KAT6A: variants seen among roughly 807,000 people sequenced by gnomAD.
The protein encoded by KAT6A is histone acetyltransferase KAT6A.
KAT6A carries 9 observed loss-of-function variants against 198.4 expected under a neutral mutation model. The ratio of observed to expected loss-of-function variants is 0.05; its 90% CI spans 0.03 to 0.08. KAT6A has a LOEUF of 0.08. KAT6A is among the 10% of genes least tolerant of loss of function. The pLI is 1.00. For missense variants in KAT6A, 2,077 were observed against 2,509.9 expected, an observed-to-expected ratio of 0.83 and a Z score of 3.69; for synonymous variants, 890 against 883.0, an observed-to-expected ratio of 1.01 and a Z score of -0.14.
intron 2 of KAT6A, among the ~76,000 whole-genome samples, chr8:42,027,854 G>A (rs2150919966): frequency 6.6e-6 from 1 of 151,998 alleles, no homozygotes; most frequent in Admixed American, 6.5e-5. Context: ...CTAGTTCCCT[G>A]AGGTGCAGCA....
intron 2 of KAT6A, among the ~76,000 whole-genome samples, chr8:41,996,489 A>T (rs1161098871): frequency 6.6e-6 from 1 of 152,216 alleles, no homozygotes; most frequent in Non-Finnish European, 1.5e-5. Context: ...AATACAAAAC[A>T]TCTATAAAGT....
rs1328015761 is a variant in KAT6A, at chr8:41,931,252, A to C, written c.*953T>G. 4.5e-6 allele frequency: 1 copy of C among 220,984 alleles called. No homozygotes were observed. Among genetic ancestry groups the C allele is most frequent in the Non-Finnish European group, 9.1e-6 (1 of 110,176 alleles). 13.7% of individuals were successfully genotyped at this position (220,984 alleles called of 1,614,324 possible). ...GTTAGCATTTCAAAGTACATACTAGAAACAAGAGGCTGGGTGGCGTGTGTG... is the reference window on the plus strand; with the variant it reads ...GTTAGCATTTCAAAGTACATACTAGCAACAAGAGGCTGGGTGGCGTGTGTG... On this transcript the variant is annotated 3_prime_UTR_variant, in exon 17 of 17. Transcript: ENST00000265713.
intron 8 of KAT6A, among the ~76,000 whole-genome samples, chr8:41,963,708 T>C (rs1823320609): frequency 6.6e-6 from 1 of 152,202 alleles, no homozygotes; most frequent in Non-Finnish European, 1.5e-5. Flanking sequence ...TGTCATCCAC[T>C]TTTTAGAAAT....
In KAT6A at chr8:41,954,511, T is replaced by C. The variant is rs566317895; in HGVS notation, c.1598+785A>G. ...ATAGATTAGAGAGCATTAATGTCAC[T>C]ACAATTAACTAGTATTTAATTTTTT... is the stretch of plus-strand genomic sequence containing the variant. On this transcript the variant is annotated intron_variant, in intron 9 of 16. Coordinates refer to ENST00000265713, the MANE Select transcript of KAT6A (RefSeq NM_006766.5). Among the ~76,000 whole-genome samples, 41 of 152,302 alleles carry C rather than the reference T, an allele frequency of 2.7e-4. 1 individual carries two copies. The highest frequency in any genetic ancestry group is 9.9e-4 in the African/African-American group (41 of 41,546).
At chr8:42,034,030 T>C (rs1309685851) in intron 2 of KAT6A, among the ~76,000 whole-genome samples, 1 of 151,710 alleles carries the variant, frequency 6.6e-6, no homozygotes, top group African/African-American at 2.4e-5. Context: ...GGGAGCAGGG[T>C]GGGTGATAAG....
At chr8:41,989,554 A>ACGTGG (rs1417493372) in intron 2 of KAT6A, among the ~76,000 whole-genome samples, 75 of 152,182 alleles carry the variant, frequency 4.9e-4, no homozygotes, top group African/African-American at 1.8e-3. Context: ...ACGTGACGTG[A>ACGTGG]CGTGACGTAA....
At chr8:42,049,452 A>AT (rs1802486248) in intron 1 of KAT6A, 150 bp from the exon 2 acceptor site, 1 of 179,366 alleles carries the variant, frequency 5.6e-6, no homozygotes, top group Admixed American at 6.2e-5. Flanking sequence ...CAAAACAATC[A>AT]TGTATGTAAA....
At chr8:42,045,318 T>C (rs1802165877) in intron 2 of KAT6A, among the ~76,000 whole-genome samples, 2 of 152,208 alleles carry the variant, frequency 1.3e-5, no homozygotes, top group African/African-American at 4.8e-5. Flanking sequence ...GCCAGCACTT[T>C]GGGAGGCCAA....
chr8:42,014,737 T>C (rs1363102974), intron 2 of KAT6A, among the ~76,000 whole-genome samples: 1 of 151,890 alleles, frequency 6.6e-6, no homozygotes, highest in Admixed American at 6.5e-5. Flanking sequence ...AAGGAAGAAA[T>C]TCAGAGATAT....
intron 2 of KAT6A, among the ~76,000 whole-genome samples, chr8:42,008,940 G>C (rs188754138): frequency 1.8e-4 from 27 of 152,244 alleles, no homozygotes; most frequent in Admixed American, 1.6e-3. Context: ...CAATATAAAA[G>C]ATGAAGAGAG....
At chr8:41,954,343 A>G (rs957164867) in intron 9 of KAT6A, among the ~76,000 whole-genome samples, 7 of 152,212 alleles carry the variant, frequency 4.6e-5, no homozygotes, top group Admixed American at 3.3e-4. Flanking sequence ...AATTTTGCTA[A>G]TATTTTGGCC....
intron 12 of KAT6A, among the ~76,000 whole-genome samples, chr8:41,945,715 A>C (rs921809295): frequency 5.3e-5 from 8 of 152,016 alleles, no homozygotes; most frequent in Non-Finnish European, 1.2e-4. Flanking sequence ...ATTTTATTCA[A>C]TATTAGCTGT....
intron 2 of KAT6A, among the ~76,000 whole-genome samples, chr8:42,031,241 T>C (rs1225144289): frequency 2.6e-5 from 4 of 152,170 alleles, no homozygotes; most frequent in African/African-American, 4.8e-5. Context: ...GATGAATACA[T>C]TACCTATTCA....
chr8:41,983,116 A>C, intron 3 of KAT6A, among the ~76,000 whole-genome samples: 1 of 152,246 alleles, frequency 6.6e-6, no homozygotes, highest in East Asian at 1.9e-4. Flanking sequence ...TCCTCTTCCA[A>C]GAGTCAGTTA....
At chr8:41,957,629 A>C (rs1055683194) in intron 8 of KAT6A, 3 of 222,512 alleles carry the variant, frequency 1.3e-5, no homozygotes, top group Non-Finnish European at 2.7e-5. Flanking sequence ...ATTTAAAAGA[A>C]GACGTATGTT....
At chr8:41,947,172 A>G (rs1209054343) in intron 11 of KAT6A, among the ~76,000 whole-genome samples, 1 of 152,256 alleles carries the variant, frequency 6.6e-6, no homozygotes, top group Admixed American at 6.5e-5. Context: ...ATATATTTTA[A>G]GTCACATCTA....
chr8:41,967,318 TAA>T (rs1375367490), intron 8 of KAT6A, among the ~76,000 whole-genome samples: 1 of 151,536 alleles, frequency 6.6e-6, no homozygotes, highest in Admixed American at 6.6e-5. Context: ...TATTATACTT[TAA>T]GTTTTAGGGT....
chr8:42,037,986 A>C (rs938748739), intron 2 of KAT6A, among the ~76,000 whole-genome samples: 5 of 152,200 alleles, frequency 3.3e-5, no homozygotes, highest in African/African-American at 7.2e-5. Flanking sequence ...AGCTCCTCCC[A>C]GACACTATGT....
chr8:41,989,681 A>C (rs79155431), intron 2 of KAT6A, among the ~76,000 whole-genome samples: 15,747 of 152,240 alleles, frequency 0.1, 1,048 homozygotes, highest in East Asian at 0.24. Context: ...GTCTGGATTT[A>C]AAAATCTAGA....
Sources: gnomAD v4.1 joint callset for allele counts (sites outside exome capture counted in the v4.1 genomes callset) on GRCh38, gnomAD v4.1.1 for gene constraint, MANE v1.5 for transcripts, NCBI Gene and HGNC (gene_info 2026-07-23, HGNC 2026-07-21) for gene names.